LAMC2: variants seen among roughly 807,000 people sequenced by gnomAD.
The protein encoded by LAMC2 is laminin subunit gamma-2.
Under a neutral mutation model 140.2 loss-of-function variants are expected in LAMC2, and 97 were observed. That is an observed-to-expected ratio of 0.69 (90% confidence interval 0.59 to 0.82). The LOEUF (loss-of-function observed/expected upper bound fraction) is 0.82, where lower values mean the gene tolerates loss of function less well. Ranked by LOEUF, LAMC2 falls within the 40% of genes least tolerant of loss-of-function variation. The pLI is 0.00. For synonymous variants in LAMC2, 513 were observed against 540.2 expected (o/e 0.95, Z 0.70); for missense variants, 1,402 against 1,476.1 (o/e 0.95, Z 0.82).
chr1:183,221,586 G>A (rs561652956), intron 5 of LAMC2, among the ~76,000 whole-genome samples: 24 of 152,104 alleles, frequency 1.6e-4, no homozygotes, highest in African/African-American at 5.5e-4. Flanking sequence ...AAAATTAGCC[G>A]GGCGTAGTGG....
intron 22 of LAMC2, chr1:183,241,386 T>C (rs1376338814): frequency 1.1e-6 from 1 of 882,860 alleles, no homozygotes; most frequent in Non-Finnish European, 1.4e-6. Context: ...AGAAATGTGA[T>C]GAGAGTAGGC....
chr1:183,218,761 T>C (rs1659366930), intron 4 of LAMC2, among the ~76,000 whole-genome samples: 1 of 152,082 alleles, frequency 6.6e-6, no homozygotes, highest in Non-Finnish European at 1.5e-5. Flanking sequence ...CCCCAGAGAT[T>C]CCTCCCACCA....
chr1:183,252,479 G>A, the LAMC2 span: 1 of 655,514 alleles, frequency 1.5e-6, no homozygotes, highest in Non-Finnish European at 2.8e-6. Flanking sequence ...TGTGGAATAG[G>A]GAATGCCATG....
chr1:183,235,555 T>C lies in LAMC2; in HGVS notation c.2301-20T>C, dbSNP rs1364755038. 1 of 1,613,968 alleles carries C rather than the reference T, an allele frequency of 6.2e-7. No homozygotes were observed. Among genetic ancestry groups the C allele is most frequent in the Non-Finnish European group, 8.5e-7 (1 of 1,179,950 alleles). On this transcript the variant is annotated intron_variant, in intron 15 of 22. Transcript: ENST00000264144. ...CCCTTTGCGTGAAAACTCTTATTCT[T>C]TTGTTTTTAATCCTTTCAGCCACGT...
chr1:183,220,775 T>C (rs1177716906), intron 4 of LAMC2, 50 bp from the exon 5 acceptor site: 1 of 1,565,746 alleles, frequency 6.4e-7, no homozygotes, highest in Admixed American at 1.7e-5. Flanking sequence ...ATTTTTTCTA[T>C]AGAATAAAAA....
intron 1 of LAMC2, among the ~76,000 whole-genome samples, chr1:183,200,799 G>A (rs1434899451): frequency 6.6e-6 from 1 of 152,176 alleles, no homozygotes; most frequent in African/African-American, 2.4e-5. Context: ...GTGGGTGGTA[G>A]TGGGCAGTCC....
intron 4 of LAMC2, among the ~76,000 whole-genome samples, chr1:183,219,811 C>T (rs1212343387): frequency 1.3e-5 from 2 of 152,350 alleles, no homozygotes; most frequent in Admixed American, 1.3e-4. Flanking sequence ...GTACTCAGAA[C>T]ATTCCCCCCA....
Position 183,220,889 on chromosome 1 carries a change from T to C in LAMC2, c.568T>C (p.Tyr190His). The change falls in exon 5 of 23, where the codon TAT (tyrosine) becomes CAT (histidine). Residue 190 changes from tyrosine (Y) to histidine (H), a missense_variant. Physicochemically the swap from Tyr to His is moderately conservative, Grantham distance 83. Transcript: ENST00000264144. ...TGAGGGCTGTACCCAGTGTTTCTGC[T>C]ATGGGCATTCAGCCAGCTGCCGCAG... Reference protein sequence around the residue: ...NPEGCTQCFCYGHSASCRSSA... With the variant: ...NPEGCTQCFCHGHSASCRSSA... The C allele has an allele frequency of 1.2e-6, 2 of 1,613,996 alleles. No individual in the cohort carries two copies. The highest frequency in any genetic ancestry group is 1.7e-6 in the Non-Finnish European group (2 of 1,179,796).
At chr1:183,230,784 C>G (rs1047574753) in intron 11 of LAMC2, among the ~76,000 whole-genome samples, 177 bp from the exon 12 acceptor site, 1 of 152,224 alleles carries the variant, frequency 6.6e-6, no homozygotes, top group African/African-American at 2.4e-5. Context: ...CCTGCATCCA[C>G]ACACACCAGG....
intron 22 of LAMC2, chr1:183,241,236 A>C: frequency 1.1e-6 from 1 of 905,440 alleles, no homozygotes; most frequent in Non-Finnish European, 1.3e-6. Flanking sequence ...GAACAGAGCA[A>C]GACTGTCTCA....
At position 183,220,808 on chromosome 1, in the gene LAMC2, C is replaced by A. The variant is rs751335041; in HGVS notation, c.504-17C>A. 1.2e-6 allele frequency: 2 copies of A among 1,612,480 alleles called. No individual in the cohort carries two copies. The highest frequency in any genetic ancestry group is 3.3e-5 in the Admixed American group (2 of 60,016). On this transcript the variant is annotated splice_polypyrimidine_tract_variant and intron_variant, in intron 4 of 22. Coordinates refer to ENST00000264144, the MANE Select transcript of LAMC2 (RefSeq NM_005562.3). ...AAAATAACCTATAATATCCTGATTTCTACAATGCCACTGCAGGTGTCGATC... is the reference window on the plus strand; with the variant it reads ...AAAATAACCTATAATATCCTGATTTATACAATGCCACTGCAGGTGTCGATC...
At chr1:183,227,166 G>C in intron 9 of LAMC2, among the ~76,000 whole-genome samples, 1 of 152,238 alleles carries the variant, frequency 6.6e-6, no homozygotes, top group Non-Finnish European at 1.5e-5. Flanking sequence ...GGGTAGAAGA[G>C]TTGGTGTCGA....
the LAMC2 span, among the ~76,000 whole-genome samples, chr1:183,255,752 C>T: frequency 6.6e-6 from 1 of 150,702 alleles, no homozygotes; most frequent in Non-Finnish European, 1.5e-5. Flanking sequence ...CAACCTCAGC[C>T]TCCTGGGTTC....
At chr1:183,236,980 G>C (rs936467055) in intron 17 of LAMC2, among the ~76,000 whole-genome samples, 1 of 151,932 alleles carries the variant, frequency 6.6e-6, no homozygotes, top group East Asian at 1.9e-4. Flanking sequence ...GTTTTGCATT[G>C]TTTCTGCCAT....
rs759147415 is a variant in LAMC2, at chr1:183,220,871, T to A, written c.550T>A (p.Cys184Ser). ...TCTGGATGGGGGGAACCCTGAGGGC[T>A]GTACCCAGTGTTTCTGCTATGGGCA... The part of the protein sequence containing the change: ...YNLDGGNPEG[C>S]TQCFCYGHSA... The change falls in exon 5 of 23, where the codon TGT becomes AGT. Residue 184 changes from cysteine to serine, a missense_variant. By Grantham distance (112) the Cys-to-Ser change is moderately radical (BLOSUM62 -1). Around this residue, in one of 3 missense-constraint regions of LAMC2, gnomAD observed 723 missense variants for 783.3 expected, o/e 0.92. Transcript: ENST00000264144. 1.2e-6 allele frequency: 2 copies of A among 1,614,004 alleles called. No individual in the cohort carries two copies. The highest frequency in any genetic ancestry group is 8.5e-7 in the Non-Finnish European group (1 of 1,179,804).
intron 2 of LAMC2, among the ~76,000 whole-genome samples, chr1:183,213,498 C>A (rs1361299406): frequency 6.6e-6 from 1 of 152,172 alleles, no homozygotes; most frequent in East Asian, 1.9e-4. Context: ...GGATACTAAT[C>A]ATTACAGATA....
chr1:183,231,163 TG>T (rs1659790106), intron 12 of LAMC2, 60 bp downstream of exon 12: 1 of 1,596,280 alleles, frequency 6.3e-7, no homozygotes, highest in Non-Finnish European at 8.6e-7. Flanking sequence ...AAGTGTCCAC[TG>T]GGTGGTTCTG....
intron 1 of LAMC2, among the ~76,000 whole-genome samples, chr1:183,192,050 A>G (rs1658352471): frequency 6.6e-6 from 1 of 152,168 alleles, no homozygotes; most frequent in South Asian, 2.1e-4. Context: ...TCTGTGGGTG[A>G]CTGTATGTCT....
In LAMC2 at chr1:183,240,292, G is replaced by A. The variant is rs754679704; in HGVS notation, c.3229G>A (p.Val1077Met). 6 of 1,614,188 alleles carry A rather than the reference G, an allele frequency of 3.7e-6. No individual in the cohort carries two copies. In the South Asian group the frequency reaches 5.5e-5, roughly 15 times the overall value. The change falls in exon 22 of 23, where the codon GTG becomes ATG. Residue 1077 changes from valine (V) to methionine (M), a missense_variant and splice_region_variant. Val to Met is a conservative substitution (Grantham distance 21). This residue lies in a region of LAMC2 where 670 missense variants were observed against 667.2 expected (regional missense o/e 1.00). Coordinates refer to ENST00000264144, the MANE Select transcript of LAMC2 (RefSeq NM_005562.3). Reference sequence around the variant, plus strand: ...CTGGTTTGTGCTTATTTGTCCTCAGGTGATTACAGAAGCCCAGAAGGTTGA... The same window carrying A: ...CTGGTTTGTGCTTATTTGTCCTCAGATGATTACAGAAGCCCAGAAGGTTGA... ...FDTNMDAVQM[V>M]ITEAQKVDTR...
Sources: allele counts gnomAD v4.1 joint callset (sites outside exome capture counted in the v4.1 genomes callset), GRCh38; gene constraint gnomAD v4.1.1; regional missense constraint gnomAD v4.1.1; transcripts MANE v1.5; gene names NCBI Gene and HGNC (gene_info 2026-07-23, HGNC 2026-07-21).